Variants in MED12L observed in about 807,000 individuals in gnomAD.
MED12L encodes the protein mediator of RNA polymerase II transcription subunit 12-like protein.
In MED12L, 60 loss-of-function variants were observed where a neutral mutation model predicts 281.3. The ratio of observed to expected loss-of-function variants is 0.21; its 90% confidence interval spans 0.17 to 0.26. MED12L has a LOEUF of 0.26. Ranked by LOEUF, MED12L falls within the 10% of genes least tolerant of loss-of-function variation. MED12L has a pLI of 1.00. For synonymous variants in MED12L, 974 were observed against 987.2 expected, an observed-to-expected ratio of 0.99 and a Z score of 0.25; for missense variants, 2,146 against 2,680.9, an observed-to-expected ratio of 0.80 and a Z score of 4.41.
intron 16 of MED12L, chr3:151,328,845 G>A: frequency 6.2e-7 from 1 of 1,613,966 alleles, no homozygotes; most frequent in Non-Finnish European, 8.5e-7. Flanking sequence ...CTGGGGATGT[G>A]AACAAACACC....
At chr3:151,243,270 AC>A (rs1379970484) in intron 16 of MED12L, among the ~76,000 whole-genome samples, 2 of 151,816 alleles carry the variant, frequency 1.3e-5, no homozygotes, top group South Asian at 2.1e-4. Context: ...AGAGAACGCC[AC>A]AAAGATACTC....
At chr3:151,203,177 C>T (rs1225980067) in intron 16 of MED12L, 1 of 152,132 alleles carries the variant, frequency 6.6e-6, no homozygotes, top group Non-Finnish European at 1.5e-5. Flanking sequence ...TTTGGTTAGC[C>T]GCAGCAGTAG....
At chr3:151,278,145 A>G (rs1742205843) in intron 16 of MED12L, 1 of 152,242 alleles carries the variant, frequency 6.6e-6, no homozygotes, top group Non-Finnish European at 1.5e-5. Context: ...TTGTCAAACA[A>G]AAAGTAACCT....
Position 151,376,789 on chromosome 3 carries a change from A to G in MED12L, c.4054-11A>G, listed in dbSNP as rs1407054153. On this transcript the variant is annotated splice_polypyrimidine_tract_variant and intron_variant, in intron 28 of 44. Transcript: ENST00000687756. ...TACCCATAATGTTTTAATTCTTTCC[A>G]TTTTTCCCAGAATCTTGAGCAGTGG... 1 of 1,611,452 alleles carries G rather than the reference A, an allele frequency of 6.2e-7. No individual in the cohort carries two copies. The highest frequency in any genetic ancestry group is 8.5e-7 in the Non-Finnish European group (1 of 1,177,972).
chr3:151,168,957 T>C (rs998925515), intron 11 of MED12L, among the ~76,000 whole-genome samples: 7 of 151,988 alleles, frequency 4.6e-5, no homozygotes, highest in Admixed American at 4.6e-4. Context: ...CTGGGAGGTG[T>C]GAGCCAGTGT....
chr3:151,374,503 G>A (rs191289595), intron 27 of MED12L, among the ~76,000 whole-genome samples: 101 of 152,262 alleles, frequency 6.6e-4, no homozygotes, highest in African/African-American at 2.2e-3. Context: ...AGCCGAGATT[G>A]CGCCACTGCA....
chr3:151,158,794 C>T lies in MED12L; in HGVS notation c.832C>T (p.Leu278=), dbSNP rs752298834. The part of the protein sequence containing the change: ...DLLKLLLPLM[L]QYSDEFVQSA... ...TCTTAAACTCTTGCTACCACTAATG[C>T]TGCAGGTATAGTACATGTCCCCTTG... Residue 278 remains leucine (L), a synonymous_variant, in exon 7 of 45, where the codon CTG becomes TTG. Coordinates refer to ENST00000687756, the MANE Select transcript of MED12L (RefSeq NM_001393769.1). The T allele has an allele frequency of 2.5e-6, 4 of 1,604,262 alleles. No individual in the cohort carries two copies. The highest frequency in any genetic ancestry group is 1.7e-5 in the Admixed American group (1 of 59,920).
At chr3:151,189,492 C>T (rs1723691585) in intron 13 of MED12L, among the ~76,000 whole-genome samples, 1 of 152,148 alleles carries the variant, frequency 6.6e-6, no homozygotes, top group South Asian at 2.1e-4. Flanking sequence ...AGACATTTGC[C>T]CTTTGCTTCC....
rs1755139421 is a variant in MED12L at position 151,365,259 on chromosome 3, T to C, written c.3185+53T>C. Reference sequence around the variant, plus strand: ...ATTAACCAAAGAGTTGTTGCCTTGGTGCTTCTTTGAAATTGATGTCGTTAG... The same window carrying C: ...ATTAACCAAAGAGTTGTTGCCTTGGCGCTTCTTTGAAATTGATGTCGTTAG... On this transcript the variant is annotated intron_variant, in intron 22 of 44. Transcript: ENST00000687756. 3 of 1,466,296 alleles carry C rather than the reference T, an allele frequency of 2.0e-6. No individual in the cohort carries two copies. The Admixed American group carries it at 5.0e-5, about 25-fold the overall frequency. 90.8% of individuals were successfully genotyped at this position (1,466,296 alleles called of 1,614,324 possible).
intron 5 of MED12L, among the ~76,000 whole-genome samples, chr3:151,138,753 C>G (rs1716502768): frequency 6.6e-6 from 1 of 152,178 alleles, no homozygotes; most frequent in Non-Finnish European, 1.5e-5. Context: ...ATGCTATCAC[C>G]ATGACTTATG....
intron 16 of MED12L, among the ~76,000 whole-genome samples, chr3:151,281,403 C>CT (rs2068188605): frequency 6.6e-6 from 1 of 151,886 alleles, no homozygotes. Flanking sequence ...GAGTGAGACT[C>CT]TGTCTCAAAA....
intron 5 of MED12L, among the ~76,000 whole-genome samples, chr3:151,137,322 T>C (rs1274600258): frequency 2.0e-5 from 3 of 152,144 alleles, no homozygotes; most frequent in Non-Finnish European, 4.4e-5. Context: ...CCCTTCTAGC[T>C]CCTTGTAAAC....
chr3:151,416,457 T>C (rs1219402212), intron 43 of MED12L, 35 bp downstream of exon 43: 1 of 1,605,066 alleles, frequency 6.2e-7, no homozygotes, highest in Admixed American at 1.7e-5. Flanking sequence ...GACATGTGGG[T>C]TTCTTCTTTA....
At chr3:151,102,346 C>T (rs542458531) in intron 2 of MED12L, among the ~76,000 whole-genome samples, 32 of 152,256 alleles carry the variant, frequency 2.1e-4, no homozygotes, top group Admixed American at 7.8e-4. Flanking sequence ...GAAGTGCTAA[C>T]AGAGGTTAAC....
At chr3:151,402,689 A>G (rs746218321) in intron 39 of MED12L, among the ~76,000 whole-genome samples, 4 of 152,124 alleles carry the variant, frequency 2.6e-5, no homozygotes, top group Non-Finnish European at 5.9e-5. Flanking sequence ...TTTAACCTCC[A>G]TGTTGTGCTA....
chr3:151,424,788 C>G (rs1718680160), intron 43 of MED12L, among the ~76,000 whole-genome samples: 1 of 152,146 alleles, frequency 6.6e-6, no homozygotes, highest in Non-Finnish European at 1.5e-5. Context: ...AGTGCATGCA[C>G]AACCCTATAC....
chr3:151,249,880 G>A (rs763664576), intron 16 of MED12L, among the ~76,000 whole-genome samples: 27 of 152,066 alleles, frequency 1.8e-4, no homozygotes, highest in Admixed American at 3.9e-4. Context: ...CCTATACTCC[G>A]TCTACTTGAA....
chr3:151,091,072 C>A (rs1205575573), intron 2 of MED12L, among the ~76,000 whole-genome samples: 2 of 152,058 alleles, frequency 1.3e-5, no homozygotes, highest in African/African-American at 4.8e-5. Context: ...CAACAAAAAA[C>A]AACAGAAAAA....
chr3:151,362,993 T>G (rs1442616819), intron 21 of MED12L, among the ~76,000 whole-genome samples: 2 of 152,166 alleles, frequency 1.3e-5, no homozygotes, highest in East Asian at 3.9e-4. Flanking sequence ...GTTTTTTTAA[T>G]AGTGAACTTC....
Sources: gnomAD v4.1 joint callset for allele counts (sites outside exome capture counted in the v4.1 genomes callset) on GRCh38, gnomAD v4.1.1 for gene constraint, MANE v1.5 for transcripts, NCBI Gene and HGNC (gene_info 2026-07-23, HGNC 2026-07-21) for gene names.